PALLD: variants seen among roughly 807,000 people sequenced by gnomAD.
PALLD encodes the protein palladin.
PALLD carries 61 observed loss-of-function variants against 123.5 expected under a neutral mutation model. The ratio of observed to expected loss-of-function variants is 0.49; its 90% confidence interval spans 0.40 to 0.61. The LOEUF is 0.61. PALLD is among the 20% of genes least tolerant of loss of function. The pLI is 0.00. For synonymous variants in PALLD, 465 were observed against 496.4 expected, an observed-to-expected ratio of 0.94 and a Z score of 0.84; for missense variants, 1,273 against 1,377.0, an observed-to-expected ratio of 0.92 and a Z score of 1.20.
At chr4:168,898,427 C>A in intron 13 of PALLD, 66 bp from the exon 14 acceptor site, 1 of 980,042 alleles carries the variant, frequency 1.0e-6, no homozygotes, top group Non-Finnish European at 1.6e-6. Flanking sequence ...TATTGGGGGG[C>A]AGGGAGAGAC....
chr4:168,706,544 C>T (rs142378927), intron 8 of PALLD, among the ~76,000 whole-genome samples: 2,807 of 152,194 alleles, frequency 0.018, 88 homozygotes, highest in South Asian at 0.14. Context: ...TCCTAAGGAA[C>T]GTAACATTTT....
At chr4:168,812,529 A>G (rs1238197764) in intron 10 of PALLD, among the ~76,000 whole-genome samples, 2 of 152,186 alleles carry the variant, frequency 1.3e-5, no homozygotes, top group East Asian at 3.8e-4. Flanking sequence ...CAGGATGGCA[A>G]TCTGAGTCAT....
intron 2 of PALLD, among the ~76,000 whole-genome samples, chr4:168,634,319 A>T (rs1295470601): frequency 6.6e-6 from 1 of 152,078 alleles, no homozygotes; most frequent in African/African-American, 2.4e-5. Flanking sequence ...TGACCTTCCC[A>T]TTTGTTGGTC....
intron 1 of PALLD, among the ~76,000 whole-genome samples, chr4:168,505,179 G>A (rs555140206): frequency 5.3e-5 from 8 of 152,212 alleles, no homozygotes; most frequent in Non-Finnish European, 7.4e-5. Flanking sequence ...ATGTTCCCGC[G>A]GCAATAACTG....
chr4:168,612,644 G>A lies in PALLD; in HGVS notation c.909-55546G>A, dbSNP rs76763242. ...AATTAAACCAGACTGCCTTGCAACT[G>A]CCTCAAAGTCTGTCTCAACACAGTG... is the stretch of plus-strand genomic sequence containing the variant. On this transcript the variant is annotated intron_variant, in intron 2 of 21. Transcript: ENST00000505667. Among the ~76,000 whole-genome samples the A allele has an allele frequency of 6.5e-3, 995 of 152,290 alleles. 1 individual carries two copies. Among genetic ancestry groups the A allele is most frequent in the Middle Eastern group, 0.014 (4 of 294 alleles).
chr4:168,864,727 T>C (rs951072161), intron 10 of PALLD: 1 of 152,262 alleles, frequency 6.6e-6, no homozygotes, highest in Non-Finnish European at 1.5e-5. Context: ...TTGGAAAAGA[T>C]TAATAAAGTA....
intron 2 of PALLD, among the ~76,000 whole-genome samples, chr4:168,543,695 C>A (rs1474853992): frequency 3.3e-5 from 5 of 152,202 alleles, no homozygotes; most frequent in African/African-American, 4.8e-5. Context: ...TTCCCACAAC[C>A]AGCCAAGCTG....
chr4:168,690,418 A>G (rs1365029330), intron 6 of PALLD, among the ~76,000 whole-genome samples, 185 bp from the exon 7 acceptor site: 2 of 152,238 alleles, frequency 1.3e-5, no homozygotes, highest in East Asian at 3.8e-4. Context: ...AAAAGCTGAT[A>G]ATCGGTGGGT....
Position 168,670,852 on chromosome 4 carries a change from AAGG to A in PALLD, c.1087+2490_1087+2492del, listed in dbSNP as rs544968338. 4.7e-3 allele frequency among the ~76,000 whole-genome samples: 703 copies of A among 150,740 alleles called. 3 individuals carry two copies. The highest frequency in any genetic ancestry group is 0.016 in the African/African-American group (679 of 41,202). On this transcript the variant is annotated intron_variant, in intron 3 of 21. Coordinates refer to ENST00000505667, the MANE Select transcript of PALLD (RefSeq NM_001166108.2). ...TGTAATCCCAGCACTTTGGGAGGCC[AAGG>A]AGGAGATCAAGATCAGCCTGGCCAA...
chr4:168,626,393 T>C (rs1580646971), intron 2 of PALLD, among the ~76,000 whole-genome samples: 10 of 76,638 alleles, frequency 1.3e-4, no homozygotes, highest in South Asian at 5.2e-4. Flanking sequence ...AGAGCGAGAC[T>C]CCATCTCAAA....
At chr4:168,862,636 T>C (rs931443899) in intron 10 of PALLD, among the ~76,000 whole-genome samples, 1 of 152,122 alleles carries the variant, frequency 6.6e-6, no homozygotes, top group Non-Finnish European at 1.5e-5. Flanking sequence ...TGTTACAGGG[T>C]AAGAAACTAA....
rs886890313 is a variant in PALLD at position 168,723,099 on chromosome 4, C to T, written c.1964+11176C>T. ...GGATAGTTTAAGTGGAAGTTAAGGT[C>T]GCAGGAGCAGAGGAAGTGGTCAGGG... On this transcript the variant is annotated intron_variant, in intron 10 of 21. Coordinates refer to ENST00000505667, the MANE Select transcript of PALLD (RefSeq NM_001166108.2). 1.3e-5 allele frequency among the ~76,000 whole-genome samples: 2 copies of T among 151,996 alleles called. 1 individual carries two copies. The highest frequency in any genetic ancestry group is 4.2e-4 in the South Asian group (2 of 4,812).
At chr4:168,878,702 T>C (rs1752205555) in intron 10 of PALLD, among the ~76,000 whole-genome samples, 1 of 148,088 alleles carries the variant, frequency 6.8e-6, no homozygotes, top group Admixed American at 6.7e-5. Flanking sequence ...GGTGCTTAGC[T>C]ATCATTTATT....
intron 10 of PALLD, among the ~76,000 whole-genome samples, chr4:168,855,620 C>T (rs1581778577): frequency 1.3e-5 from 2 of 152,248 alleles, no homozygotes; most frequent in East Asian, 1.9e-4. Context: ...GGGATGGCTA[C>T]GTGTTCCCTT....
chr4:168,646,405 G>A (rs1447335438), intron 2 of PALLD, among the ~76,000 whole-genome samples: 2 of 152,224 alleles, frequency 1.3e-5, no homozygotes, highest in African/African-American at 4.8e-5. Context: ...CAAGCTCGGG[G>A]CTTCGTTGCC....
intron 10 of PALLD, among the ~76,000 whole-genome samples, chr4:168,808,661 CAT>C (rs1311133412): frequency 3.9e-5 from 6 of 152,214 alleles, no homozygotes; most frequent in African/African-American, 1.4e-4. Context: ...TACAGTTCCA[CAT>C]GTCTGGAGAG....
At chr4:168,839,178 T>C (rs1395437007) in intron 10 of PALLD, among the ~76,000 whole-genome samples, 1 of 152,180 alleles carries the variant, frequency 6.6e-6, no homozygotes, top group African/African-American at 2.4e-5. Context: ...GGTCTTGAAC[T>C]CTTGAGCTCA....
intron 2 of PALLD, among the ~76,000 whole-genome samples, chr4:168,628,167 T>C (rs2149817282): frequency 1.3e-5 from 2 of 152,378 alleles, no homozygotes; most frequent in South Asian, 2.1e-4. Context: ...TGGACGTTTG[T>C]AACATTGTTT....
intron 2 of PALLD, among the ~76,000 whole-genome samples, chr4:168,625,351 G>C (rs1203442421): frequency 6.6e-6 from 1 of 151,676 alleles, no homozygotes; most frequent in Non-Finnish European, 1.5e-5. Flanking sequence ...CAAAGCACAG[G>C]CAACAGAAGC....
Sources: allele counts gnomAD v4.1 joint callset (sites outside exome capture counted in the v4.1 genomes callset), GRCh38; gene constraint gnomAD v4.1.1; transcripts MANE v1.5; gene names NCBI Gene and HGNC (gene_info 2026-07-23, HGNC 2026-07-21).